Variants in KCNC2 observed in about 807,000 individuals in gnomAD.
KCNC2 encodes voltage-gated potassium channel KCNC2.
In KCNC2, 21 loss-of-function variants were observed where a neutral mutation model predicts 44.5. The observed-to-expected ratio is 0.47, with a 90% confidence interval of 0.33 to 0.68. The LOEUF is 0.68. KCNC2 is among the 30% of genes least tolerant of loss of function. The pLI is 0.01. For missense variants in KCNC2, 589 were observed against 826.2 expected (o/e 0.71, Z 3.52); for synonymous variants, 391 against 339.1 (o/e 1.15, Z -1.68).
At chr12:75,166,553 T>C (rs1411343699) in intron 2 of KCNC2, among the ~76,000 whole-genome samples, 1 of 151,184 alleles carries the variant, frequency 6.6e-6, no homozygotes, top group Non-Finnish European at 1.5e-5. Context: ...GGTTATATCA[T>C]ATGGTAGAGG....
chr12:75,144,094 G>A (rs569459219), intron 2 of KCNC2, among the ~76,000 whole-genome samples: 1 of 152,004 alleles, frequency 6.6e-6, no homozygotes, highest in Non-Finnish European at 1.5e-5. Flanking sequence ...CACCAAAAGG[G>A]GAAAAAAGCA....
intron 2 of KCNC2, among the ~76,000 whole-genome samples, chr12:75,074,399 C>T (rs879851991): frequency 6.6e-6 from 1 of 152,044 alleles, no homozygotes; most frequent in Non-Finnish European, 1.5e-5. Context: ...AGTTTGTGTA[C>T]TCCTCTTAGG....
chr12:75,074,137 T>TA lies in KCNC2; in HGVS notation c.688-22821dup, dbSNP rs1207424428. Among the ~76,000 whole-genome samples the TA allele has an allele frequency of 7.3e-5, 11 of 149,940 alleles. No individual in the cohort carries two copies. In the South Asian group the frequency reaches 1.1e-3, roughly 14 times the overall value. On this transcript the variant is annotated intron_variant, in intron 2 of 4. Coordinates refer to ENST00000549446, the MANE Select transcript of KCNC2 (RefSeq NM_139137.4). ...AGGATTGTCTTAAGAGCATGTTAAG[T>TA]AAAAAAAAGGAAAATATTCTATTAC...
intron 2 of KCNC2, among the ~76,000 whole-genome samples, chr12:75,121,662 G>C (rs1414904548): frequency 6.6e-6 from 1 of 152,198 alleles, no homozygotes; most frequent in African/African-American, 2.4e-5. Context: ...ATACTCTGCA[G>C]CTGTGCAGAG....
intron 2 of KCNC2, among the ~76,000 whole-genome samples, chr12:75,181,490 C>T (rs902616453): frequency 2.8e-4 from 43 of 152,014 alleles, no homozygotes; most frequent in African/African-American, 8.7e-4. Flanking sequence ...CTAAGTATAC[C>T]GCACCTTCCC....
At chr12:75,129,194 C>T (rs750492748) in intron 2 of KCNC2, among the ~76,000 whole-genome samples, 6 of 152,092 alleles carry the variant, frequency 3.9e-5, no homozygotes, top group Admixed American at 6.5e-5. Flanking sequence ...GGCAGATCAG[C>T]GCAAACAAAC....
intron 2 of KCNC2, among the ~76,000 whole-genome samples, chr12:75,160,890 A>G (rs1239364514): frequency 6.6e-6 from 1 of 151,856 alleles, no homozygotes; most frequent in Admixed American, 6.6e-5. Flanking sequence ...CAAGCATATT[A>G]TTGATCTTAA....
At chr12:75,118,867 T>A (rs1357484975) in intron 2 of KCNC2, among the ~76,000 whole-genome samples, 2 of 152,188 alleles carry the variant, frequency 1.3e-5, no homozygotes. Context: ...CCGGACAGAA[T>A]ATAATAGAGA....
At chr12:75,135,959 C>T (rs182319449) in intron 2 of KCNC2, among the ~76,000 whole-genome samples, 28 of 152,138 alleles carry the variant, frequency 1.8e-4, no homozygotes, top group Non-Finnish European at 3.5e-4. Context: ...GTTATGCACA[C>T]CACACTTACC....
chr12:75,113,893 C>T (rs1443206618), intron 2 of KCNC2, among the ~76,000 whole-genome samples: 1 of 151,840 alleles, frequency 6.6e-6, no homozygotes, highest in African/African-American at 2.4e-5. Context: ...TCAATCTCTC[C>T]AGGGAAAAAA....
intron 2 of KCNC2, among the ~76,000 whole-genome samples, chr12:75,060,165 T>G (rs1882162347): frequency 6.6e-6 from 1 of 152,130 alleles, no homozygotes; most frequent in Non-Finnish European, 1.5e-5. Context: ...TCTGTTATTT[T>G]GGACCATCAT....
At chr12:75,181,156 T>C (rs1892546140) in intron 2 of KCNC2, among the ~76,000 whole-genome samples, 1 of 152,056 alleles carries the variant, frequency 6.6e-6, no homozygotes, top group African/African-American at 2.4e-5. Flanking sequence ...AACTAAAAGA[T>C]CAATTCATTT....
chr12:75,061,814 CA>C (rs1373407428), intron 2 of KCNC2, among the ~76,000 whole-genome samples: 1 of 152,012 alleles, frequency 6.6e-6, no homozygotes, highest in Admixed American at 6.6e-5. Flanking sequence ...ATGATTTTTA[CA>C]AATTGTTTTT....
chr12:75,208,026 C>G, intron 1 of KCNC2, 24 bp from the exon 2 acceptor site: 2 of 1,607,536 alleles, frequency 1.2e-6, no homozygotes, highest in South Asian at 2.2e-5. Context: ...AACACAGCGC[C>G]GAGTTAAAGA....
intron 2 of KCNC2, among the ~76,000 whole-genome samples, chr12:75,153,586 C>G (rs535130629): frequency 6.6e-6 from 1 of 151,450 alleles, no homozygotes; most frequent in Non-Finnish European, 1.5e-5. Context: ...TATCCATTAA[C>G]AAAACTGCAC....
At chr12:75,109,926 A>G (rs1046646268) in intron 2 of KCNC2, among the ~76,000 whole-genome samples, 3 of 152,140 alleles carry the variant, frequency 2.0e-5, no homozygotes, top group Non-Finnish European at 4.4e-5. Flanking sequence ...GAAATGAAAG[A>G]GAAGATGACA....
At chr12:75,092,341 T>G (rs1435004775) in intron 2 of KCNC2, among the ~76,000 whole-genome samples, 5 of 151,682 alleles carry the variant, frequency 3.3e-5, no homozygotes, top group Non-Finnish European at 7.4e-5. Context: ...GTATAATTTC[T>G]CTTTAGGATA....
intron 2 of KCNC2, among the ~76,000 whole-genome samples, chr12:75,101,414 A>G (rs1226446244): frequency 2.6e-5 from 4 of 152,072 alleles, no homozygotes; most frequent in Admixed American, 6.6e-5. Flanking sequence ...TTTACTAAGA[A>G]GCCACATCTT....
chr12:75,162,804 T>C (rs773659589), intron 2 of KCNC2, among the ~76,000 whole-genome samples: 1 of 151,740 alleles, frequency 6.6e-6, no homozygotes, highest in African/African-American at 2.4e-5. Context: ...ACCTGCATGT[T>C]AGTGGAAGGT....
Sources: gnomAD v4.1 joint callset for allele counts (sites outside exome capture counted in the v4.1 genomes callset) on GRCh38, gnomAD v4.1.1 for gene constraint, MANE v1.5 for transcripts, NCBI Gene and HGNC (gene_info 2026-07-23, HGNC 2026-07-21) for gene names.